Variants in LRTM3 observed in about 807,000 individuals in gnomAD.
The protein encoded by LRTM3 is leucine rich repeat transmembrane protein 3.
chr13:102,729,772 C>G, the LRTM3 span: 7 of 1,551,882 alleles, frequency 4.5e-6, no homozygotes, highest in Non-Finnish European at 6.1e-6. Flanking sequence ...CATACACTCT[C>G]TTCTTTCTGT....
the LRTM3 span, chr13:102,744,181 G>A: frequency 6.4e-7 from 1 of 1,550,464 alleles, no homozygotes; most frequent in East Asian, 2.4e-5. Context: ...AATATCTTAT[G>A]ATATTAAACA....
At chr13:102,745,171 C>G in the LRTM3 span, 1 of 1,550,840 alleles carries the variant, frequency 6.4e-7, no homozygotes. Flanking sequence ...AGTCAAGATC[C>G]TTCCCCTGAC....
the LRTM3 span, chr13:102,733,421 C>A: frequency 6.4e-7 from 1 of 1,551,334 alleles, no homozygotes; most frequent in Middle Eastern, 1.7e-4. Flanking sequence ...GTGAGCGTAT[C>A]TCTCTGAAAC....
At chr13:102,747,903 G>A in the LRTM3 span, 1 of 1,551,166 alleles carries the variant, frequency 6.4e-7, no homozygotes, top group Non-Finnish European at 8.7e-7. Flanking sequence ...TTGGGCTTTT[G>A]CTTTAGATGT....
At chr13:102,758,406 A>G in the LRTM3 span, 1 of 1,523,314 alleles carries the variant, frequency 6.6e-7, no homozygotes, top group Non-Finnish European at 8.9e-7. Flanking sequence ...GATATATCAC[A>G]TACCTTTCTC....
At chr13:102,738,549 C>T in the LRTM3 span, 1 of 1,550,692 alleles carries the variant, frequency 6.4e-7, no homozygotes, top group East Asian at 2.4e-5. Flanking sequence ...TTCTTCAAAG[C>T]CCTAATTTTT....
the LRTM3 span, among the ~76,000 whole-genome samples, chr13:102,758,047 C>G: frequency 1.3e-5 from 2 of 152,170 alleles, no homozygotes; most frequent in South Asian, 4.1e-4. Context: ...TCATGCAGCA[C>G]CTAGCTCAGT....
At chr13:102,750,196 CAA>C in the LRTM3 span, 1 of 1,551,310 alleles carries the variant, frequency 6.4e-7, no homozygotes, top group Non-Finnish European at 8.7e-7. Flanking sequence ...CTGAATAAAA[CAA>C]TGGCAAAGAT....
chr13:102,749,567 A>C, the LRTM3 span: 1 of 1,551,422 alleles, frequency 6.4e-7, no homozygotes, highest in Non-Finnish European at 8.7e-7. Context: ...TTTTGCCTCA[A>C]CAATTGATGG....
At chr13:102,731,866 G>T in the LRTM3 span, 2 of 1,549,836 alleles carry the variant, frequency 1.3e-6, no homozygotes, top group Non-Finnish European at 8.7e-7. Context: ...GACACTCTGT[G>T]GGTGTCAGAA....
chr13:102,736,275 C>A, the LRTM3 span: 5 of 1,551,038 alleles, frequency 3.2e-6, no homozygotes, highest in African/African-American at 1.4e-5. Context: ...CCTGCTCTCT[C>A]TTTCATGCCC....
the LRTM3 span, chr13:102,748,808 G>A: frequency 2.6e-6 from 4 of 1,550,492 alleles, no homozygotes; most frequent in Non-Finnish European, 3.5e-6. Context: ...GACCATGAAG[G>A]ATTGTTCTAG....
the LRTM3 span, chr13:102,742,301 A>T: frequency 1.9e-6 from 3 of 1,550,072 alleles, no homozygotes; most frequent in Non-Finnish European, 1.7e-6. Context: ...TTTGGTATGC[A>T]TAGTACTTTC....
chr13:102,744,626 G>T, the LRTM3 span: 2 of 1,550,558 alleles, frequency 1.3e-6, no homozygotes, highest in Non-Finnish European at 1.7e-6. Flanking sequence ...GGGACTCTTC[G>T]GTTCAGATCC....
chr13:102,746,611 C>T, the LRTM3 span: 12 of 1,551,016 alleles, frequency 7.7e-6, no homozygotes, highest in South Asian at 4.8e-5. Context: ...ATTTGGGCTT[C>T]GCTGTACTTG....
At chr13:102,735,068 G>A in the LRTM3 span, 1 of 1,551,174 alleles carries the variant, frequency 6.4e-7, no homozygotes, top group Non-Finnish European at 8.7e-7. Context: ...AAGGTGAAGT[G>A]GGGAGGATCT....
At chr13:102,753,589 G>C in the LRTM3 span, among the ~76,000 whole-genome samples, 1 of 151,748 alleles carries the variant, frequency 6.6e-6, no homozygotes, top group South Asian at 2.1e-4. Context: ...AACACCTCAG[G>C]AGAAACCAAG....
chr13:102,735,335 G>A, the LRTM3 span: 2 of 1,551,190 alleles, frequency 1.3e-6, no homozygotes, highest in African/African-American at 2.7e-5. Flanking sequence ...TCCATGGGTT[G>A]CTTCTGGACA....
chr13:102,746,133 G>C, the LRTM3 span: 25 of 1,551,126 alleles, frequency 1.6e-5, no homozygotes, highest in Non-Finnish European at 2.2e-5. Context: ...AAAGTAGTTT[G>C]TTCAAAACCT....
Sources: allele counts gnomAD v4.1 joint callset (sites outside exome capture counted in the v4.1 genomes callset), GRCh38; gene constraint gnomAD v4.1.1; transcripts MANE v1.5; gene names NCBI Gene and HGNC (gene_info 2026-07-23, HGNC 2026-07-21).